Variants in TPSG1 observed in about 807,000 individuals in gnomAD.
TPSG1 encodes tryptase gamma.
Under a neutral mutation model 23.8 loss-of-function variants are expected in TPSG1, and 43 were observed. The observed-to-expected ratio is 1.81, with a 90% CI of 1.42 to 2.33. TPSG1 has a LOEUF of 2.33. Ranked by LOEUF, TPSG1 falls within the 30% of genes most tolerant of loss-of-function variation. The probability of loss-of-function intolerance (pLI) is 0.00; values close to 1 mark genes in which losing one functional copy is unlikely to be tolerated. For missense variants in TPSG1, 623 were observed against 438.6 expected (o/e 1.42, Z -3.75); for synonymous variants, 302 against 201.3 (o/e 1.50, Z -4.23).
At position 1,222,828 on chromosome 16, in the gene TPSG1, A is replaced by T. The variant is rs766902336; in HGVS notation, c.335T>A (p.Leu112Gln). The stretch of plus-strand genomic sequence containing the variant: ...CGGCTGTCCTGAGGGGCTGGAGTGC[A>T]GGATGATCTGCCTCACGGTGGAGAA... ...PHFSTVRQII[L>Q]HSSPSGQPGT... Residue 112 changes from leucine (L) to glutamine (Q), a missense_variant, in exon 4 of 6, where the codon CTG becomes CAG. By Grantham distance (113) the Leu-to-Gln change is moderately radical (BLOSUM62 -2). Coordinates refer to ENST00000234798, the MANE Select transcript of TPSG1 (RefSeq NM_012467.4). The T allele has an allele frequency of 6.2e-7, 1 of 1,611,834 alleles. No individual in the cohort carries two copies. The highest frequency in any genetic ancestry group is 8.5e-7 in the Non-Finnish European group (1 of 1,179,650).
rs778939522 is a variant in TPSG1, at chr16:1,224,639, G to C, written c.47-11C>G. On this transcript the variant is annotated splice_polypyrimidine_tract_variant and intron_variant, in intron 1 of 5. Transcript: ENST00000234798. ...TCCTGAGGGACACACCTGTGGGAAA[G>C]ACGAAGGGCCCAGGATGGAGGGGGC... The C allele has an allele frequency of 2.5e-6, 4 of 1,613,748 alleles. No homozygotes were observed. In the Admixed American group the frequency reaches 6.7e-5, roughly 27 times the overall value.
At position 1,224,510 on chromosome 16, in the gene TPSG1, T is replaced by G. The variant is rs111353707; in HGVS notation, c.73+92A>C. ...AAACTATGACCTCCCCGGGCCCCCA[T>G]TGGGACCCCAGGGAAGGAGAGGGTC... On this transcript the variant is annotated intron_variant, in intron 2 of 5. Transcript: ENST00000234798. 9.1e-6 allele frequency: 14 copies of G among 1,544,726 alleles called. No individual in the cohort carries two copies. The Admixed American group carries it at 1.6e-4, about 18-fold the overall frequency.
At position 1,222,793 on chromosome 16, in the gene TPSG1, C is replaced by T. The variant is rs777801630; in HGVS notation, c.370G>A (p.Gly124Arg). ...SSPSGQPGTS[G>R]DIALVELSVP... ...CTGAGCTCCACCAGGGCGATGTCCCCGCTGGTCCCCGGCTGTCCTGAGGGG... is the reference window on the plus strand; with the variant it reads ...CTGAGCTCCACCAGGGCGATGTCCCTGCTGGTCCCCGGCTGTCCTGAGGGG... The change falls in exon 4 of 6, where the codon GGG becomes AGG. Residue 124 changes from glycine to arginine, a missense_variant. Coordinates refer to ENST00000234798, the MANE Select transcript of TPSG1 (RefSeq NM_012467.4). The T allele has an allele frequency of 1.2e-5, 20 of 1,612,120 alleles. No individual in the cohort carries two copies. Among genetic ancestry groups the T allele is most frequent in the South Asian group, 6.6e-5 (6 of 91,024 alleles).
chr16:1,222,880 C>T lies in TPSG1; in HGVS notation c.283G>A (p.Glu95Lys). The T allele has an allele frequency of 6.2e-7, 1 of 1,608,228 alleles. No individual in the cohort carries two copies. The highest frequency in any genetic ancestry group is 1.1e-5 in the South Asian group (1 of 90,262). The part of the protein sequence containing the change: ...NSSDYQVHLG[E>K]LEITLSPHFS... ...TGGGGAGACAGAGTGATCTCCAGTT[C>T]CCCCAGGTGCACCTGGTAGTCGGAT... is the stretch of plus-strand genomic sequence containing the variant. Residue 95 changes from glutamate to lysine, a missense_variant, in exon 4 of 6, where the codon GAA becomes AAA. Physicochemically the swap from Glu to Lys is moderately conservative, Grantham distance 56. Coordinates refer to ENST00000234798, the MANE Select transcript of TPSG1 (RefSeq NM_012467.4).
intron 4 of TPSG1, 41 bp from the exon 5 acceptor site, chr16:1,222,382 C>CA: frequency 6.5e-7 from 1 of 1,536,998 alleles, no homozygotes; most frequent in Non-Finnish European, 8.8e-7. Flanking sequence ...GTTGGGGCAC[C>CA]AGGCCCTGCA....
chr16:1,225,185 A>G, intron 1 of TPSG1, 22 bp downstream of exon 1: 1 of 1,565,126 alleles, frequency 6.4e-7, no homozygotes, highest in Non-Finnish European at 8.7e-7. Flanking sequence ...CCCCATCCCC[A>G]CACCCAGGCC....
In TPSG1 at chr16:1,224,872, C is replaced by T; in HGVS notation, c.47-244G>A. 8.3e-6 allele frequency: 5 copies of T among 605,382 alleles called. No homozygotes were observed. In the South Asian group the frequency reaches 1.0e-4, roughly 12 times the overall value. 37.5% of individuals were successfully genotyped at this position (605,382 alleles called of 1,614,324 possible). On this transcript the variant is annotated intron_variant, in intron 1 of 5. Coordinates refer to ENST00000234798, the MANE Select transcript of TPSG1 (RefSeq NM_012467.4). The stretch of plus-strand genomic sequence containing the variant: ...TTGGCCTCAGGCCTGGGCCTCCTCC[C>T]CGCCCTCCAGGTCCTGCTCAGGAAA...
At position 1,223,416 on chromosome 16, in the gene TPSG1, C is replaced by G. The variant is rs1027367108; in HGVS notation, c.245+7G>C. ...TTGAGACTGCCCCTGCCCACCCGGA[C>G]ACTCACCCGGAGAAGCAGTGGGCAG... On this transcript the variant is annotated splice_region_variant and intron_variant, in intron 3 of 5. Coordinates refer to ENST00000234798, the MANE Select transcript of TPSG1 (RefSeq NM_012467.4). 6.3e-6 allele frequency: 10 copies of G among 1,576,456 alleles called. No individual in the cohort carries two copies. The highest frequency in any genetic ancestry group is 1.3e-5 in the African/African-American group (1 of 74,324).
Position 1,221,664 on chromosome 16 carries a change from C to T in TPSG1, c.*124G>A, listed in dbSNP as rs756749158. The T allele has an allele frequency of 5.6e-6, 6 of 1,071,692 alleles. No homozygotes were observed. The highest frequency in any genetic ancestry group is 7.9e-6 in the Non-Finnish European group (6 of 760,458). The allele number at this position is 1,071,692 out of a possible 1,614,324, so 66.4% of individuals were successfully genotyped here. Reference sequence around the variant, plus strand: ...CCCATTGACACCTTTGTTTCGTGTGCTTTTAAATTCAGGTTAAATGTTGCA... The same window carrying T: ...CCCATTGACACCTTTGTTTCGTGTGTTTTTAAATTCAGGTTAAATGTTGCA... On this transcript the variant is annotated 3_prime_UTR_variant, in exon 6 of 6. Transcript: ENST00000234798.
rs771352605 is a variant in TPSG1 at position 1,221,749 on chromosome 16, ATAGTAACT to A, written c.*31_*38del. ...AGAGGGAGGGGGCGGAGCGGAATAA[ATAGTAACT>A]TATTTAAGAAATGCACTTGGATTCC... On this transcript the variant is annotated 3_prime_UTR_variant, in exon 6 of 6. Transcript: ENST00000234798. 1 of 1,554,924 alleles carries A rather than the reference ATAGTAACT, an allele frequency of 6.4e-7. No homozygotes were observed. The highest frequency in any genetic ancestry group is 8.7e-7 in the Non-Finnish European group (1 of 1,147,236).
At position 1,221,854 on chromosome 16, in the gene TPSG1, A is replaced by C; in HGVS notation, c.900T>G (p.Cys300Trp). Residue 300 changes from cysteine (C) to tryptophan (W), a missense_variant, in exon 6 of 6, where the codon TGT (cysteine) becomes TGG (tryptophan). Transcript: ENST00000234798. ...GCAGCAGGCACTTGGCCAGCAGGAC[A>C]CAGGAGACTAGCAGAAGGAAGAGGC... ...LPGLFLLLVS[C>W]VLLAKCLLHP... The C allele has an allele frequency of 1.2e-6, 2 of 1,612,008 alleles. No homozygotes were observed. The highest frequency in any genetic ancestry group is 1.3e-5 in the African/African-American group (1 of 75,060).
rs548918188 is a variant in TPSG1 at position 1,222,302 on chromosome 16, A to G, written c.551T>C (p.Val184Ala). 1 of 1,609,218 alleles carries G rather than the reference A, an allele frequency of 6.2e-7. No homozygotes were observed. The highest frequency in any genetic ancestry group is 1.3e-5 in the African/African-American group (1 of 74,368). Residue 184 changes from valine (V) to alanine (A), a missense_variant, in exon 5 of 6, where the codon GTC becomes GCC. Transcript: ENST00000234798. ...PPPYSLREVK[V>A]SVVDTETCRR... ...GCAGGTCTCTGTGTCCACCACGGAG[A>G]CTTTCACCTCCCGCAGGCTGTACGG... is the stretch of plus-strand genomic sequence containing the variant.
intron 2 of TPSG1, chr16:1,223,803 C>T (rs909921): frequency 0.58 from 337,763 of 579,352 alleles, 101,254 homozygotes; most frequent in East Asian, 0.89. Context: ...TCAGGTCGTC[C>T]TTTCTAAGCA....
Position 1,222,021 on chromosome 16 carries a change from C to A in TPSG1, c.733G>T (p.Gly245Cys), listed in dbSNP as rs764670816. 21 of 1,612,398 alleles carry A rather than the reference C, an allele frequency of 1.3e-5. No homozygotes were observed. The highest frequency in any genetic ancestry group is 1.6e-4 in the Middle Eastern group (1 of 6,084). The change falls in exon 6 of 6, where the codon GGC (glycine) becomes TGC (cysteine). Residue 245 changes from glycine (G) to cysteine (C), a missense_variant. Physicochemically the swap from Gly to Cys is radical, Grantham distance 159 (BLOSUM62 -3). Transcript: ENST00000234798. The stretch of plus-strand genomic sequence containing the variant: ...CCCGGCCTGTTGGGGCGGCCGCAGC[C>A]CTCACCCCAGCTCACAGTGCCAGCC... Reference protein sequence around the residue: ...VQAGTVSWGEGCGRPNRPGVY... With the variant: ...VQAGTVSWGECCGRPNRPGVY...
In TPSG1 at chr16:1,222,808, G is replaced by A. The variant is rs1293859182; in HGVS notation, c.355C>T (p.Gln119Ter). 2 of 1,612,226 alleles carry A rather than the reference G, an allele frequency of 1.2e-6. No homozygotes were observed. Among genetic ancestry groups the A allele is most frequent in the South Asian group, 2.2e-5 (2 of 91,006 alleles). Residue 119 changes from glutamine (Q) to a stop codon, truncating the protein, a stop_gained, in exon 4 of 6, where the codon CAG becomes TAG. Coordinates refer to ENST00000234798, the MANE Select transcript of TPSG1 (RefSeq NM_012467.4). LOFTEE classifies it high-confidence loss of function. The part of the protein sequence containing the change: ...QIILHSSPSG[Q>*]PGTSGDIALV... ...GCGATGTCCCCGCTGGTCCCCGGCTGTCCTGAGGGGCTGGAGTGCAGGATG... is the reference window on the plus strand; with the variant it reads ...GCGATGTCCCCGCTGGTCCCCGGCTATCCTGAGGGGCTGGAGTGCAGGATG...
In TPSG1 at chr16:1,225,261, C is replaced by T; in HGVS notation, c.-9G>A. On this transcript the variant is annotated 5_prime_UTR_variant, in exon 1 of 6. Transcript: ENST00000234798. ...CAGGCCCCAAGGGCCATGGTGTCTG[C>T]CCACTGTAGGGAGAAGGAGGGCCAG... The T allele has an allele frequency of 1.3e-6, 2 of 1,564,976 alleles. No homozygotes were observed. Among genetic ancestry groups the T allele is most frequent in the Admixed American group, 1.9e-5 (1 of 52,622 alleles).
intron 1 of TPSG1, chr16:1,224,919 C>A: frequency 1.7e-6 from 1 of 591,640 alleles, no homozygotes; most frequent in Non-Finnish European, 3.0e-6. Flanking sequence ...TGTTCTAGGG[C>A]CTGGGACTCC....
chr16:1,224,840 C>T (rs990285893), intron 1 of TPSG1: 65 of 636,196 alleles, frequency 1.0e-4, no homozygotes, highest in Non-Finnish European at 1.4e-4. Flanking sequence ...AGCTGGAGGC[C>T]GGGAGCTTGG....
rs374667794 is a variant in TPSG1, at chr16:1,224,657, G to C, written c.47-29C>G. On this transcript the variant is annotated intron_variant, in intron 1 of 5. Transcript: ENST00000234798. ...TGGGAAAGACGAAGGGCCCAGGATG[G>C]AGGGGGCTGCCAAGGAGAGGGGTGT... The C allele has an allele frequency of 3.9e-4, 636 of 1,613,510 alleles. 1 individual carries two copies. Among genetic ancestry groups the C allele is most frequent in the South Asian group, 1.3e-3 (117 of 91,080 alleles).
Sources: allele counts gnomAD v4.1 joint callset, GRCh38; gene constraint gnomAD v4.1.1; transcripts MANE v1.5; gene names NCBI Gene and HGNC (gene_info 2026-07-23, HGNC 2026-07-21).